GRIK2: variants seen among roughly 807,000 people sequenced by gnomAD.
GRIK2 encodes glutamate receptor ionotropic, kainate 2.
In GRIK2, 32 loss-of-function variants were observed where a neutral mutation model predicts 100.3. That is an observed-to-expected ratio of 0.32 (90% confidence interval 0.24 to 0.43). The LOEUF is 0.43. Ranked by LOEUF, GRIK2 falls within the 20% of genes least tolerant of loss-of-function variation. GRIK2 has a pLI of 1.00. For missense variants in GRIK2, 843 were observed against 1,114.9 expected, an observed-to-expected ratio of 0.76 and a Z score of 3.47; for synonymous variants, 417 against 389.4, an observed-to-expected ratio of 1.07 and a Z score of -0.83.
In GRIK2 at chr6:101,761,567, TA is replaced by T. The variant is rs1401134067; in HGVS notation, c.952-38075del. Among the ~76,000 whole-genome samples the T allele has an allele frequency of 2.6e-5, 4 of 152,232 alleles. No individual in the cohort carries two copies. In the East Asian group the frequency reaches 7.7e-4, roughly 29 times the overall value. On this transcript the variant is annotated intron_variant, in intron 7 of 16. Transcript: ENST00000369134. ...TATTTTGCAATATTCCTTTCCAGACTAAAAAATTAACAAAACTCCACACTGA... is the reference window on the plus strand; with the variant it reads ...TATTTTGCAATATTCCTTTCCAGACTAAAAATTAACAAAACTCCACACTGA...
intron 14 of GRIK2, among the ~76,000 whole-genome samples, chr6:101,951,018 T>A (rs573445775): frequency 3.5e-4 from 53 of 152,310 alleles, no homozygotes; most frequent in Admixed American, 1.6e-3. Context: ...ATTTCAGACT[T>A]CAGCAAGAAG....
intron 10 of GRIK2, among the ~76,000 whole-genome samples, chr6:101,830,582 T>C (rs888366126): frequency 2.0e-5 from 3 of 151,794 alleles, no homozygotes; most frequent in Admixed American, 1.3e-4. Flanking sequence ...AAAGAAGACA[T>C]ACAAGAAGCC....
intron 2 of GRIK2, among the ~76,000 whole-genome samples, chr6:101,607,789 T>C (rs1779500528): frequency 6.6e-6 from 1 of 151,838 alleles, no homozygotes; most frequent in Admixed American, 6.6e-5. Flanking sequence ...AAGAGCCTTT[T>C]GGGTACAAAT....
intron 2 of GRIK2, among the ~76,000 whole-genome samples, chr6:101,595,102 A>G (rs1187146552): frequency 6.6e-6 from 1 of 151,690 alleles, no homozygotes; most frequent in Non-Finnish European, 1.5e-5. Flanking sequence ...TTAAAATTCT[A>G]AAAAGTTTAG....
At chr6:101,469,805 C>T (rs186126174) in intron 2 of GRIK2, among the ~76,000 whole-genome samples, 75 of 152,232 alleles carry the variant, frequency 4.9e-4, no homozygotes, top group African/African-American at 1.6e-3. Context: ...GGAAGTGGGG[C>T]GTGATTTCAT....
At position 101,460,304 on chromosome 6, in the gene GRIK2, G is replaced by A. The variant is rs1771236143; in HGVS notation, c.115+60912G>A. The stretch of plus-strand genomic sequence containing the variant: ...TTTACACAAGGACAAATGTTCAAAG[G>A]AGAAAAAGTATCCCTCTAGAGTAAC... On this transcript the variant is annotated intron_variant, in intron 2 of 16. Transcript: ENST00000369134. Among the ~76,000 whole-genome samples, 3 of 152,246 alleles carry A rather than the reference G, an allele frequency of 2.0e-5. No homozygotes were observed. The South Asian group carries it at 6.2e-4, about 32-fold the overall frequency.
At chr6:101,620,053 C>G (rs992032742) in intron 2 of GRIK2, 1 of 152,188 alleles carries the variant, frequency 6.6e-6, no homozygotes, top group Non-Finnish European at 1.5e-5. Context: ...TTCTTTATTG[C>G]AATTCTATGC....
chr6:101,478,756 C>A (rs1052839768), intron 2 of GRIK2, among the ~76,000 whole-genome samples: 1 of 151,912 alleles, frequency 6.6e-6, no homozygotes, highest in African/African-American at 2.4e-5. Flanking sequence ...GATCTCCTGA[C>A]CTCGTGATCC....
Position 102,055,407 on chromosome 6 carries a change from A to G in GRIK2, c.2389A>G (p.Lys797Glu). 1 of 1,613,316 alleles carries G rather than the reference A, an allele frequency of 6.2e-7. No homozygotes were observed. Among genetic ancestry groups the G allele is most frequent in the Non-Finnish European group, 8.5e-7 (1 of 1,179,400 alleles). ...AGGCAAACTGCATATGATGAAGGAG[A>G]AATGGTGGAGGGGCAATGGTTGCCC... ...EEGKLHMMKEKWWRGNGCPEE... is the reference protein window; with the variant it reads ...EEGKLHMMKEEWWRGNGCPEE... Residue 797 changes from lysine (K) to glutamate (E), a missense_variant, in exon 16 of 17, where the codon AAA (lysine) becomes GAA (glutamate). By Grantham distance (56) the Lys-to-Glu change is moderately conservative (BLOSUM62 1). Coordinates refer to ENST00000369134, the MANE Select transcript of GRIK2 (RefSeq NM_021956.5).
At chr6:101,777,024 C>A (rs540985797) in intron 7 of GRIK2, among the ~76,000 whole-genome samples, 2 of 152,214 alleles carry the variant, frequency 1.3e-5, no homozygotes, top group Non-Finnish European at 2.9e-5. Flanking sequence ...GCCTATGCAC[C>A]ATGTGCCAGG....
chr6:101,930,516 A>C (rs927565000), intron 14 of GRIK2, among the ~76,000 whole-genome samples: 65 of 152,176 alleles, frequency 4.3e-4, no homozygotes, highest in African/African-American at 1.5e-3. Context: ...TATTGTACCT[A>C]ACACAAAAAT....
chr6:101,473,266 T>A (rs189179364), intron 2 of GRIK2, among the ~76,000 whole-genome samples: 1 of 151,656 alleles, frequency 6.6e-6, no homozygotes, highest in African/African-American at 2.4e-5. Flanking sequence ...ACTTTAAAAA[T>A]GTGGATTAAA....
At chr6:101,791,246 C>T (rs1162306443) in intron 7 of GRIK2, among the ~76,000 whole-genome samples, 2 of 152,106 alleles carry the variant, frequency 1.3e-5, no homozygotes, top group Non-Finnish European at 2.9e-5. Flanking sequence ...TTGCCTTCTG[C>T]TAGCTTTTGA....
intron 11 of GRIK2, among the ~76,000 whole-genome samples, chr6:101,860,731 G>A (rs1010298047): frequency 3.3e-5 from 5 of 152,016 alleles, no homozygotes; most frequent in South Asian, 2.1e-4. Flanking sequence ...TCTTCTTTAG[G>A]GAAAAAAGTC....
At chr6:101,858,850 A>G (rs1161033119) in intron 10 of GRIK2, among the ~76,000 whole-genome samples, 1 of 152,000 alleles carries the variant, frequency 6.6e-6, no homozygotes, top group East Asian at 1.9e-4. Flanking sequence ...AATTTTTTTC[A>G]TTAATTTTAT....
intron 11 of GRIK2, among the ~76,000 whole-genome samples, chr6:101,860,017 A>G (rs1582399182): frequency 6.6e-6 from 1 of 152,062 alleles, no homozygotes; most frequent in Non-Finnish European, 1.5e-5. Flanking sequence ...TGCAATTGCA[A>G]GTCTTTGTTA....
chr6:101,710,375 C>T (rs1173509414), intron 7 of GRIK2, among the ~76,000 whole-genome samples: 2 of 151,748 alleles, frequency 1.3e-5, no homozygotes, highest in African/African-American at 2.4e-5. Flanking sequence ...GTCAAATGGG[C>T]TTTGAAGTAT....
chr6:101,428,629 A>G (rs1325814126), intron 2 of GRIK2, among the ~76,000 whole-genome samples: 1 of 152,230 alleles, frequency 6.6e-6, no homozygotes, highest in East Asian at 1.9e-4. Flanking sequence ...TAAACAATAT[A>G]GAATCCTTAA....
chr6:101,774,993 C>T lies in GRIK2; in HGVS notation c.952-24655C>T, dbSNP rs555548382. Among the ~76,000 whole-genome samples, 423 of 152,104 alleles carry T rather than the reference C, an allele frequency of 2.8e-3. 4 individuals are homozygous for T. Among genetic ancestry groups the T allele is most frequent in the South Asian group, 0.017 (81 of 4,814 alleles). The stretch of plus-strand genomic sequence containing the variant: ...AAACTTCATGTATTGAACATCATTC[C>T]TTATGAAGCTTTAAAATCTTACAGG... On this transcript the variant is annotated intron_variant, in intron 7 of 16. Transcript: ENST00000369134.
Sources: allele counts gnomAD v4.1 joint callset (sites outside exome capture counted in the v4.1 genomes callset), GRCh38; gene constraint gnomAD v4.1.1; transcripts MANE v1.5; gene names NCBI Gene and HGNC (gene_info 2026-07-23, HGNC 2026-07-21).